RASEF: variants seen among roughly 807,000 people sequenced by gnomAD.
RASEF encodes RAS and EF-hand domain containing.
In RASEF, 68 loss-of-function variants were observed where a neutral mutation model predicts 90.1. That is an observed-to-expected ratio of 0.75 (90% CI 0.62 to 0.92). The LOEUF (loss-of-function observed/expected upper bound fraction) is 0.92. Among genes scored for constraint, RASEF ranks in the 40% least tolerant of loss-of-function variants. RASEF has a pLI of 0.00. For missense variants in RASEF, 949 were observed against 937.2 expected (o/e 1.01, Z -0.16); for synonymous variants, 331 against 345.2 (o/e 0.96, Z 0.46).
the RASEF span, among the ~76,000 whole-genome samples, chr9:83,214,292 G>A: frequency 7.9e-5 from 12 of 152,154 alleles, no homozygotes; most frequent in Non-Finnish European, 1.2e-4. Flanking sequence ...ACTGAGGCAT[G>A]AGAATTGCTT....
intron 1 of RASEF, chr9:83,048,732 T>C (rs907618316): frequency 2.7e-5 from 27 of 985,070 alleles, no homozygotes; most frequent in South Asian, 4.7e-5. Flanking sequence ...TAAATACACA[T>C]TGAGAAATGA....
chr9:83,074,260 G>A, the RASEF span, among the ~76,000 whole-genome samples: 1 of 152,176 alleles, frequency 6.6e-6, no homozygotes, highest in African/African-American at 2.4e-5. Flanking sequence ...GGATACAGCT[G>A]AGCCTGGATT....
chr9:83,129,312 C>T, the RASEF span, among the ~76,000 whole-genome samples: 2 of 150,804 alleles, frequency 1.3e-5, no homozygotes, highest in South Asian at 2.1e-4. Context: ...GAGGCTGAGG[C>T]AGGAGAATGG....
At chr9:83,054,496 TC>T (rs1423331151) in intron 1 of RASEF, among the ~76,000 whole-genome samples, 2 of 127,180 alleles carry the variant, frequency 1.6e-5, no homozygotes, top group Non-Finnish European at 3.2e-5. Context: ...TTGAATGTCC[TC>T]CCGTAGCTCA....
the RASEF span, among the ~76,000 whole-genome samples, chr9:83,199,259 C>T: frequency 2.2e-5 from 3 of 135,416 alleles, 1 homozygote; most frequent in African/African-American, 8.1e-5. Flanking sequence ...AAAAAAGCAC[C>T]TGACCTTTGA....
At chr9:83,098,070 G>T in the RASEF span, among the ~76,000 whole-genome samples, 1 of 152,152 alleles carries the variant, frequency 6.6e-6, no homozygotes, top group African/African-American at 2.4e-5. Flanking sequence ...ATCTAGGGCT[G>T]ATAGCTCCAG....
the RASEF span, among the ~76,000 whole-genome samples, chr9:83,123,996 G>C: frequency 6.6e-6 from 1 of 152,082 alleles, no homozygotes; most frequent in South Asian, 2.1e-4. Flanking sequence ...TCTACTTTTT[G>C]TCTTATGAAT....
chr9:83,176,812 T>C, the RASEF span, among the ~76,000 whole-genome samples: 1 of 152,222 alleles, frequency 6.6e-6, no homozygotes. Context: ...TATTAACCTA[T>C]TAATCTATAT....
At chr9:83,048,210 G>GA (rs1440991926) in intron 1 of RASEF, 7 of 985,394 alleles carry the variant, frequency 7.1e-6, no homozygotes, top group Non-Finnish European at 8.4e-6. Context: ...GAGGTCATCT[G>GA]ACAGGGACCG....
Position 83,053,544 on chromosome 9 carries a change from A to T in RASEF, c.431+8893T>A, listed in dbSNP as rs1830056116. On this transcript the variant is annotated intron_variant, in intron 1 of 16. Coordinates refer to ENST00000376447, the MANE Select transcript of RASEF (RefSeq NM_152573.4). ...TAATTGCAGAATTTAGTCCATTTAT[A>T]TTTAAAGTTAATATTGTTATGTGTG... is the stretch of plus-strand genomic sequence containing the variant. 6.3e-5 allele frequency among the ~76,000 whole-genome samples: 8 copies of T among 127,466 alleles called. No homozygotes were observed. The South Asian group carries it at 2.3e-3, about 36-fold the overall frequency. The allele number at this position is 127,466 out of a possible 152,430, so 83.6% of individuals were successfully genotyped here. A position where few individuals can be genotyped will look rare whatever the true frequency, so the allele number is the denominator to read the frequency against.
the RASEF span, among the ~76,000 whole-genome samples, chr9:83,080,819 A>G: frequency 6.6e-6 from 1 of 152,208 alleles, no homozygotes; most frequent in East Asian, 1.9e-4. Context: ...TGCAATCATT[A>G]TGAAAATACA....
the RASEF span, among the ~76,000 whole-genome samples, chr9:83,163,335 G>GA: frequency 2.0e-5 from 3 of 151,796 alleles, no homozygotes; most frequent in South Asian, 2.1e-4. Context: ...CAGGTATCAA[G>GA]AAAAAACGAC....
At chr9:83,173,907 G>A in the RASEF span, among the ~76,000 whole-genome samples, 48,616 of 151,358 alleles carry the variant, frequency 0.32, 7,931 homozygotes, top group Middle Eastern at 0.42. Context: ...TTCTTGATAC[G>A]GTGTTTATTT....
At chr9:83,017,098 G>C (rs1272911186) in intron 3 of RASEF, among the ~76,000 whole-genome samples, 1 of 152,066 alleles carries the variant, frequency 6.6e-6, no homozygotes. Context: ...GTGCTAATGA[G>C]GCAGCCTTCC....
intron 1 of RASEF, among the ~76,000 whole-genome samples, chr9:83,045,953 G>A (rs537733134): frequency 1.3e-5 from 2 of 150,656 alleles, no homozygotes; most frequent in African/African-American, 2.5e-5. Flanking sequence ...TCAGATCCTT[G>A]TGCATTTTGT....
the RASEF span, among the ~76,000 whole-genome samples, chr9:83,125,452 G>T: frequency 6.6e-6 from 1 of 152,196 alleles, no homozygotes; most frequent in East Asian, 1.9e-4. Flanking sequence ...ATGGCAATTA[G>T]TTATAGCACC....
At position 82,982,410 on chromosome 9, in the gene RASEF, C is replaced by T; in HGVS notation, c.*267G>A. The stretch of plus-strand genomic sequence containing the variant: ...ATTTCTTTTCTTTTCTTTTTTTTTA[C>T]CATTTTAAAAACATTTACATGTTAT... On this transcript the variant is annotated 3_prime_UTR_variant, in exon 17 of 17. Transcript: ENST00000376447. 4.4e-6 allele frequency: 1 copy of T among 224,850 alleles called. No homozygotes were observed. Among genetic ancestry groups the T allele is most frequent in the African/African-American group, 2.3e-5 (1 of 43,536 alleles). 13.9% of individuals were successfully genotyped at this position (224,850 alleles called of 1,614,324 possible).
chr9:83,194,667 T>C, the RASEF span, among the ~76,000 whole-genome samples: 2 of 152,264 alleles, frequency 1.3e-5, no homozygotes, highest in African/African-American at 4.8e-5. Context: ...GATTCTTCTG[T>C]AGGAAAGATT....
intron 15 of RASEF, 99 bp downstream of exon 15, chr9:82,992,807 G>A (rs916042390): frequency 6.2e-6 from 8 of 1,291,556 alleles, no homozygotes; most frequent in Non-Finnish European, 8.7e-6. Context: ...GTTTGTCAAA[G>A]GACCTCTCAA....
Sources: gnomAD v4.1 joint callset for allele counts (sites outside exome capture counted in the v4.1 genomes callset) on GRCh38, gnomAD v4.1.1 for gene constraint, MANE v1.5 for transcripts, NCBI Gene and HGNC (gene_info 2026-07-23, HGNC 2026-07-21) for gene names.